Variants in HPSE2 observed in about 807,000 individuals in gnomAD.
HPSE2 encodes the protein heparanase 2 (inactive).
In HPSE2, 38 loss-of-function variants were observed where a neutral mutation model predicts 60.5. The ratio of observed to expected loss-of-function variants is 0.63; its 90% CI spans 0.48 to 0.82. HPSE2 has a LOEUF of 0.82. Among genes scored for constraint, HPSE2 ranks in the 40% least tolerant of loss-of-function variants. HPSE2 has a pLI of 0.00. For missense variants in HPSE2, 713 were observed against 740.4 expected (o/e 0.96, Z 0.43); for synonymous variants, 295 against 293.2 (o/e 1.01, Z -0.06).
chr10:99,099,415 C>A (rs773515909), intron 3 of HPSE2, among the ~76,000 whole-genome samples: 2 of 152,200 alleles, frequency 1.3e-5, no homozygotes, highest in Non-Finnish European at 2.9e-5. Context: ...AGTCTGAGAT[C>A]AAACTGCAAG....
chr10:98,727,498 A>G (rs1949116893), intron 4 of HPSE2, among the ~76,000 whole-genome samples: 1 of 152,110 alleles, frequency 6.6e-6, no homozygotes, highest in Non-Finnish European at 1.5e-5. Context: ...TAAAAATATG[A>G]AAATTAGCTG....
At chr10:99,088,323 A>G (rs1461497912) in intron 3 of HPSE2, among the ~76,000 whole-genome samples, 1 of 152,148 alleles carries the variant, frequency 6.6e-6, no homozygotes, top group Non-Finnish European at 1.5e-5. Context: ...AGCAGTATAC[A>G]TTGTAGCCAA....
chr10:98,491,802 G>T (rs1477659309), intron 9 of HPSE2, among the ~76,000 whole-genome samples: 1 of 152,162 alleles, frequency 6.6e-6, no homozygotes, highest in Non-Finnish European at 1.5e-5. Context: ...TTTCCTTCAT[G>T]CTGTGAAGTA....
rs915103736 is a variant in HPSE2, at chr10:98,746,794, AT to A, written c.611-2739del. Among the ~76,000 whole-genome samples, 124 of 151,486 alleles carry A rather than the reference AT, an allele frequency of 8.2e-4. 1 individual carries two copies. Among genetic ancestry groups the A allele is most frequent in the African/African-American group, 2.8e-3 (115 of 41,390 alleles). ...TAAGATACAAAAAAAATCTAGTAGG[AT>A]TTTTTTTTAAAAAGAAAAACTGAAG... On this transcript the variant is annotated intron_variant, in intron 3 of 11. Transcript: ENST00000370552.
intron 4 of HPSE2, among the ~76,000 whole-genome samples, chr10:98,722,580 T>C (rs1004036758): frequency 2.0e-5 from 3 of 152,164 alleles, no homozygotes; most frequent in Non-Finnish European, 2.9e-5. Context: ...AGATGTTCAC[T>C]GCCAAAAAGT....
At chr10:99,056,094 A>G (rs985901736) in intron 3 of HPSE2, among the ~76,000 whole-genome samples, 2 of 149,200 alleles carry the variant, frequency 1.3e-5, no homozygotes, top group Non-Finnish European at 1.5e-5. Flanking sequence ...AAGAACACAA[A>G]TTAACAATAT....
intron 9 of HPSE2, among the ~76,000 whole-genome samples, chr10:98,493,035 T>TA (rs1941710892): frequency 6.6e-6 from 1 of 152,232 alleles, no homozygotes; most frequent in South Asian, 2.1e-4. Flanking sequence ...CCTCTGTGAC[T>TA]ATTCTAAGTA....
chr10:99,020,724 C>T (rs915862767), intron 3 of HPSE2, among the ~76,000 whole-genome samples: 1 of 152,184 alleles, frequency 6.6e-6, no homozygotes, highest in Non-Finnish European at 1.5e-5. Context: ...TATGCTAGTA[C>T]AAGAAATACA....
chr10:99,101,705 T>C (rs1376979682), intron 3 of HPSE2, among the ~76,000 whole-genome samples: 1 of 152,192 alleles, frequency 6.6e-6, no homozygotes, highest in Non-Finnish European at 1.5e-5. Context: ...CACATCTCAC[T>C]TATTCCAAAA....
chr10:98,810,723 T>C (rs1465764073), intron 3 of HPSE2, among the ~76,000 whole-genome samples: 1 of 151,406 alleles, frequency 6.6e-6, no homozygotes, highest in Non-Finnish European at 1.5e-5. Flanking sequence ...GGGCCACACA[T>C]AAAATATGCT....
chr10:98,780,715 G>A (rs1405919733), intron 3 of HPSE2, among the ~76,000 whole-genome samples: 1 of 152,082 alleles, frequency 6.6e-6, no homozygotes, highest in Non-Finnish European at 1.5e-5. Flanking sequence ...CAATAGGAAG[G>A]AAGTTGTGAG....
chr10:98,571,940 C>CTT (rs1554943112), intron 9 of HPSE2, among the ~76,000 whole-genome samples: 16 of 140,722 alleles, frequency 1.1e-4, no homozygotes, highest in Middle Eastern at 3.8e-3. Flanking sequence ...AATTCCTTTT[C>CTT]TTTTTTTTTT....
At chr10:99,278,192 A>G in the HPSE2 span, among the ~76,000 whole-genome samples, 1 of 152,102 alleles carries the variant, frequency 6.6e-6, no homozygotes, top group Non-Finnish European at 1.5e-5. Flanking sequence ...TTGTAAAGTA[A>G]TATGCATGTG....
chr10:99,182,739 T>A (rs1847823758), intron 2 of HPSE2, among the ~76,000 whole-genome samples: 1 of 152,026 alleles, frequency 6.6e-6, no homozygotes, highest in Non-Finnish European at 1.5e-5. Flanking sequence ...GGCTCACACC[T>A]GTAAATCCAG....
chr10:99,092,437 C>A (rs1469894215), intron 3 of HPSE2, among the ~76,000 whole-genome samples: 1 of 152,156 alleles, frequency 6.6e-6, no homozygotes, highest in East Asian at 1.9e-4. Context: ...CAGTCCAAAG[C>A]AAGCACCTTC....
chr10:98,924,678 A>T (rs2135079036), intron 3 of HPSE2: 1 of 152,184 alleles, frequency 6.6e-6, no homozygotes, highest in African/African-American at 2.4e-5. Flanking sequence ...GGTTTGGGGG[A>T]GGGATGACTT....
Position 99,165,909 on chromosome 10 carries a change from T to C in HPSE2, c.449-21510A>G, listed in dbSNP as rs772131507. On this transcript the variant is annotated intron_variant, in intron 2 of 11. Coordinates refer to ENST00000370552, the MANE Select transcript of HPSE2 (RefSeq NM_021828.5). ...TAGCCCATTACCATACAAAATAATATGATCACCCTAAAAAACTCCCTCATG... is the reference window on the plus strand; with the variant it reads ...TAGCCCATTACCATACAAAATAATACGATCACCCTAAAAAACTCCCTCATG... 2.6e-4 allele frequency among the ~76,000 whole-genome samples: 39 copies of C among 152,232 alleles called. 1 individual carries two copies. Among genetic ancestry groups the C allele is most frequent in the Middle Eastern group, 3.4e-3 (1 of 292 alleles).
At chr10:99,304,324 G>T in the HPSE2 span, among the ~76,000 whole-genome samples, 1 of 152,194 alleles carries the variant, frequency 6.6e-6, no homozygotes, top group Non-Finnish European at 1.5e-5. Flanking sequence ...TGCATGAACT[G>T]CCCCTTAATC....
At chr10:99,296,907 G>A in the HPSE2 span, among the ~76,000 whole-genome samples, 1 of 152,142 alleles carries the variant, frequency 6.6e-6, no homozygotes, top group Non-Finnish European at 1.5e-5. Context: ...ACAGCAGTTG[G>A]CAGGAAGGCA....
Sources: gnomAD v4.1 joint callset for allele counts (sites outside exome capture counted in the v4.1 genomes callset) on GRCh38, gnomAD v4.1.1 for gene constraint, MANE v1.5 for transcripts, NCBI Gene and HGNC (gene_info 2026-07-23, HGNC 2026-07-21) for gene names.